ALDH1A2: variants seen among roughly 807,000 people sequenced by gnomAD.
ALDH1A2 encodes aldehyde dehydrogenase 1 family member A2, also known as retinal dehydrogenase 2.
A neutral mutation model predicts 60.3 loss-of-function variants in ALDH1A2; 27 were observed. The ratio of observed to expected loss-of-function variants is 0.45; its 90% CI spans 0.33 to 0.62. The LOEUF is 0.62. ALDH1A2 is among the 20% of genes least tolerant of loss of function. ALDH1A2 has a pLI of 0.02. For synonymous variants in ALDH1A2, 289 were observed against 232.4 expected, an observed-to-expected ratio of 1.24 and a Z score of -2.21; for missense variants, 581 against 643.8, an observed-to-expected ratio of 0.90 and a Z score of 1.06.
rs1012256489 is a variant in ALDH1A2 at position 57,954,177 on chromosome 15, T to C, written c.*1020A>G. On this transcript the variant is annotated 3_prime_UTR_variant, in exon 13 of 13. Transcript: ENST00000249750. ...AGGGCACATTATGATAGATGTACAG[T>C]GTGACAGACCAAAATCACACCTGCA... is the stretch of plus-strand genomic sequence containing the variant. The C allele has an allele frequency of 6.6e-6, 1 of 152,482 alleles. No individual in the cohort carries two copies. Among genetic ancestry groups the C allele is most frequent in the South Asian group, 2.1e-4 (1 of 4,832 alleles). 9.4% of individuals were successfully genotyped at this position (152,482 alleles called of 1,614,324 possible).
At chr15:58,025,938 T>C (rs1031996853) in intron 1 of ALDH1A2, among the ~76,000 whole-genome samples, 3 of 152,222 alleles carry the variant, frequency 2.0e-5, no homozygotes, top group Non-Finnish European at 4.4e-5. Context: ...ACCAAGCCAC[T>C]ACTGACAGAT....
intron 12 of ALDH1A2, among the ~76,000 whole-genome samples, chr15:57,957,746 C>G (rs1893576478): frequency 6.6e-6 from 1 of 152,152 alleles, no homozygotes; most frequent in African/African-American, 2.4e-5. Flanking sequence ...TAGCTCTTCG[C>G]CAGCCATTTT....
At chr15:57,956,611 G>A (rs117096981) in intron 12 of ALDH1A2, among the ~76,000 whole-genome samples, 1,913 of 152,264 alleles carry the variant, frequency 0.013, 14 homozygotes, top group Middle Eastern at 0.027. Context: ...AGCAATGAGA[G>A]AAACCAACTG....
chr15:57,959,301 G>A (rs537865361), intron 12 of ALDH1A2, among the ~76,000 whole-genome samples: 2 of 152,176 alleles, frequency 1.3e-5, no homozygotes, highest in Admixed American at 6.5e-5. Flanking sequence ...GAAGCGGAAT[G>A]CATCTTGAAA....
At chr15:57,958,569 A>G (rs1893617720) in intron 12 of ALDH1A2, among the ~76,000 whole-genome samples, 1 of 152,154 alleles carries the variant, frequency 6.6e-6, no homozygotes, top group African/African-American at 2.4e-5. Flanking sequence ...ATGTTTCTGG[A>G]AGTGCCACTT....
chr15:58,037,927 C>A (rs145711394), intron 1 of ALDH1A2, among the ~76,000 whole-genome samples: 1 of 151,746 alleles, frequency 6.6e-6, no homozygotes, highest in East Asian at 1.9e-4. Context: ...TAACACACAT[C>A]GTAATCTATC....
At chr15:57,958,214 G>GCACACACACACGCACGCACGCACACA (rs1555398332) in intron 12 of ALDH1A2, among the ~76,000 whole-genome samples, 1 of 151,700 alleles carries the variant, frequency 6.6e-6, no homozygotes, top group African/African-American at 2.4e-5. Context: ...GTACACGCAC[G>GCACACACACACGCACGCACGCACACA]CACACACACA....
At chr15:58,031,961 TCTAGAA>T (rs1236068773) in intron 1 of ALDH1A2, among the ~76,000 whole-genome samples, 1 of 152,172 alleles carries the variant, frequency 6.6e-6, no homozygotes, top group African/African-American at 2.4e-5. Flanking sequence ...TCCTCAGGGA[TCTAGAA>T]CTAGAAATAC....
chr15:58,016,435 GC>G (rs1895792283), intron 1 of ALDH1A2, among the ~76,000 whole-genome samples: 1 of 152,096 alleles, frequency 6.6e-6, no homozygotes, highest in African/African-American at 2.4e-5. Context: ...ACTGCACCCG[GC>G]CCCAAGTTCA....
chr15:58,040,592 T>C (rs866046172), intron 1 of ALDH1A2, among the ~76,000 whole-genome samples: 1 of 151,864 alleles, frequency 6.6e-6, no homozygotes, highest in East Asian at 1.9e-4. Context: ...CCACAAATAA[T>C]TGACAGGGCA....
chr15:57,996,916 T>C (rs1895083348), intron 4 of ALDH1A2, among the ~76,000 whole-genome samples: 1 of 152,020 alleles, frequency 6.6e-6, no homozygotes, highest in African/African-American at 2.4e-5. Context: ...CATGCTTATA[T>C]TGTTTGCTAT....
chr15:58,052,177 CA>C (rs1566961517), intron 1 of ALDH1A2, among the ~76,000 whole-genome samples: 1 of 152,080 alleles, frequency 6.6e-6, no homozygotes, highest in Non-Finnish European at 1.5e-5. Flanking sequence ...CTTTGGTAAC[CA>C]TGAGTACATT....
intron 1 of ALDH1A2, 105 bp from the exon 2 acceptor site, chr15:58,014,386 TAAAAG>T: frequency 1.1e-6 from 1 of 889,218 alleles, no homozygotes; most frequent in Non-Finnish European, 1.9e-6. Context: ...TGTTGTATAA[TAAAAG>T]TATACAATTT....
intron 7 of ALDH1A2, among the ~76,000 whole-genome samples, chr15:57,990,824 C>T (rs542124813): frequency 2.4e-4 from 30 of 126,080 alleles, no homozygotes; most frequent in African/African-American, 8.3e-4. Context: ...TGCTGTGAGA[C>T]AAGATTGTGC....
rs369443673 is a variant in ALDH1A2 at position 58,013,816 on chromosome 15, C to G, written c.363+42G>C. On this transcript the variant is annotated intron_variant, in intron 3 of 12. Transcript: ENST00000249750. ...AAGAATGTAAATTTCAGCAGAATGG[C>G]AAATGTGGGTTAAAGACTTAATGTT... The G allele has an allele frequency of 3.1e-6, 5 of 1,611,818 alleles. No homozygotes were observed. In the African/African-American group the frequency reaches 6.7e-5, roughly 22 times the overall value.
At chr15:57,995,233 A>AAAAAAAAAAAAG in intron 4 of ALDH1A2, 94 bp from the exon 5 acceptor site, 1 of 742,988 alleles carries the variant, frequency 1.3e-6, no homozygotes, top group Admixed American at 2.4e-5. Flanking sequence ...AAAAAAAAAA[A>AAAAAAAAAAAAG]AAACAAACAG....
chr15:58,007,778 AT>A (rs1371101733), intron 4 of ALDH1A2, among the ~76,000 whole-genome samples: 1 of 148,710 alleles, frequency 6.7e-6, no homozygotes, highest in African/African-American at 2.4e-5. Context: ...CGGACTTTCT[AT>A]ATTCCAGACT....
At chr15:58,008,945 G>A (rs1414507866) in intron 4 of ALDH1A2, among the ~76,000 whole-genome samples, 2 of 152,062 alleles carry the variant, frequency 1.3e-5, no homozygotes, top group East Asian at 3.9e-4. Context: ...TATCCTTAGA[G>A]TCAGAACTGA....
At chr15:58,061,208 T>C (rs543374598) in intron 1 of ALDH1A2, among the ~76,000 whole-genome samples, 42 of 152,236 alleles carry the variant, frequency 2.8e-4, no homozygotes, top group African/African-American at 9.6e-4. Context: ...TGTGATGAAA[T>C]TGTCCAGCTT....
Sources: gnomAD v4.1 joint callset for allele counts (sites outside exome capture counted in the v4.1 genomes callset) on GRCh38, gnomAD v4.1.1 for gene constraint, MANE v1.5 for transcripts, NCBI Gene and HGNC (gene_info 2026-07-23, HGNC 2026-07-21) for gene names.